The following CTNNA2 variants were observed in gnomAD, a reference collection of about 807,000 sequenced individuals.
CTNNA2 encodes the protein catenin alpha 2.
CTNNA2 carries 42 observed loss-of-function variants against 101.0 expected under a neutral mutation model. That is an observed-to-expected ratio of 0.42 (90% confidence interval 0.32 to 0.54). CTNNA2 has a LOEUF of 0.54. Among genes scored for constraint, CTNNA2 ranks in the 20% least tolerant of loss-of-function variants. The pLI, the probability that CTNNA2 is intolerant of heterozygous loss-of-function variation, is 0.14. For synonymous variants in CTNNA2, 450 were observed against 456.4 expected, an observed-to-expected ratio of 0.99 and a Z score of 0.18; for missense variants, 871 against 1,223.1, an observed-to-expected ratio of 0.71 and a Z score of 4.29.
intron 7 of CTNNA2, among the ~76,000 whole-genome samples, chr2:80,010,494 G>T (rs775771236): frequency 2.3e-4 from 35 of 151,958 alleles, no homozygotes; most frequent in Non-Finnish European, 4.1e-4. Flanking sequence ...TGTAGGAAAG[G>T]GGTCTTCCTC....
chr2:80,015,616 C>T (rs1209810131), intron 7 of CTNNA2, among the ~76,000 whole-genome samples: 1 of 152,114 alleles, frequency 6.6e-6, no homozygotes, highest in Non-Finnish European at 1.5e-5. Context: ...TGCTTACTAG[C>T]TCTCCCCCTC....
intron 2 of CTNNA2, among the ~76,000 whole-genome samples, chr2:79,221,119 A>G (rs1044518693): frequency 2.8e-5 from 4 of 141,902 alleles, no homozygotes; most frequent in African/African-American, 7.7e-5. Context: ...CAGCAATAAT[A>G]ATAAGCTAAA....
intron 7 of CTNNA2, among the ~76,000 whole-genome samples, chr2:79,953,382 G>T (rs2974133): frequency 0.31 from 47,045 of 152,086 alleles, 7,457 homozygotes; most frequent in Middle Eastern, 0.47. Context: ...ATGTGATATG[G>T]TATGTACGCC....
chr2:80,520,586 T>C (rs56010015), intron 9 of CTNNA2, among the ~76,000 whole-genome samples: 11,083 of 152,198 alleles, frequency 0.073, 656 homozygotes, highest in African/African-American at 0.16. Flanking sequence ...AACTCCTTAC[T>C]GTATCCTCAC....
intron 2 of CTNNA2, among the ~76,000 whole-genome samples, chr2:79,274,305 T>G (rs1334946193): frequency 6.6e-6 from 1 of 152,044 alleles, no homozygotes; most frequent in African/African-American, 2.4e-5. Context: ...AACTAAAGAC[T>G]GAATTGTCTG....
intron 1 of CTNNA2, among the ~76,000 whole-genome samples, chr2:79,626,432 C>T (rs1002695871): frequency 1.3e-5 from 2 of 152,086 alleles, no homozygotes; most frequent in African/African-American, 4.8e-5. Context: ...GTACCATTAG[C>T]CTGAAATTTC....
At chr2:79,887,513 C>A (rs1204594500) in intron 6 of CTNNA2, among the ~76,000 whole-genome samples, 1 of 151,808 alleles carries the variant, frequency 6.6e-6, no homozygotes, top group African/African-American at 2.4e-5. Flanking sequence ...ATTTCCGTTC[C>A]CATCAGTATG....
At chr2:79,541,612 A>G (rs921317830) in intron 1 of CTNNA2, among the ~76,000 whole-genome samples, 4 of 150,090 alleles carry the variant, frequency 2.7e-5, no homozygotes, top group African/African-American at 4.9e-5. Flanking sequence ...TACGATTTGC[A>G]TTTCCCCAAT....
chr2:80,304,799 G>C (rs1426902025), intron 7 of CTNNA2: 1 of 152,276 alleles, frequency 6.6e-6, no homozygotes, highest in Non-Finnish European at 1.5e-5. Flanking sequence ...CTCAGACATG[G>C]GCAGATTGAA....
At chr2:80,598,823 C>T (rs1301949155) in intron 15 of CTNNA2, among the ~76,000 whole-genome samples, 1 of 152,106 alleles carries the variant, frequency 6.6e-6, no homozygotes, top group Non-Finnish European at 1.5e-5. Flanking sequence ...CCTGACATAA[C>T]AAACTTGTAG....
At chr2:80,615,224 A>G (rs1479128679) in intron 17 of CTNNA2, among the ~76,000 whole-genome samples, 1 of 151,602 alleles carries the variant, frequency 6.6e-6, no homozygotes, top group African/African-American at 2.4e-5. Flanking sequence ...TTTTTTATTC[A>G]GTACTGGATT....
chr2:79,988,238 A>C (rs148853724), intron 7 of CTNNA2, among the ~76,000 whole-genome samples: 2 of 152,300 alleles, frequency 1.3e-5, no homozygotes, highest in Non-Finnish European at 2.9e-5. Context: ...TTAAGATAGG[A>C]TTACTCTTGG....
intron 6 of CTNNA2, among the ~76,000 whole-genome samples, chr2:79,896,308 G>A (rs776118059): frequency 2.6e-5 from 4 of 151,282 alleles, no homozygotes; most frequent in Non-Finnish European, 4.4e-5. Flanking sequence ...GAGAACTAAC[G>A]TTTGTCATAT....
chr2:79,391,569 C>T (rs190166935), intron 4 of CTNNA2, among the ~76,000 whole-genome samples: 86 of 152,214 alleles, frequency 5.6e-4, no homozygotes, highest in African/African-American at 5.3e-4. Flanking sequence ...GGGGATGGCA[C>T]CCCTAACCCC....
intron 7 of CTNNA2, among the ~76,000 whole-genome samples, chr2:80,095,947 A>C (rs1435177635): frequency 1.3e-5 from 2 of 152,192 alleles, no homozygotes; most frequent in Non-Finnish European, 2.9e-5. Context: ...ATCTTTTCAA[A>C]AAACCAGCTC....
At chr2:80,090,946 A>G (rs1666140206) in intron 7 of CTNNA2, among the ~76,000 whole-genome samples, 1 of 152,118 alleles carries the variant, frequency 6.6e-6, no homozygotes, top group Non-Finnish European at 1.5e-5. Flanking sequence ...GAGAAGAATT[A>G]TCAGCAGAGA....
At chr2:79,866,017 C>A (rs1379295963) in intron 4 of CTNNA2, among the ~76,000 whole-genome samples, 1 of 152,228 alleles carries the variant, frequency 6.6e-6, no homozygotes, top group Non-Finnish European at 1.5e-5. Context: ...CCGCGGCCAG[C>A]CTGCTTTTTT....
At chr2:80,244,833 A>G (rs149120140) in intron 7 of CTNNA2, among the ~76,000 whole-genome samples, 1 of 152,312 alleles carries the variant, frequency 6.6e-6, no homozygotes, top group Non-Finnish European at 1.5e-5. Context: ...AGAGAGAAAT[A>G]TTGTGAGTTT....
At chr2:79,968,684 C>T (rs1350110510) in intron 7 of CTNNA2, among the ~76,000 whole-genome samples, 10 of 152,096 alleles carry the variant, frequency 6.6e-5, no homozygotes, top group Admixed American at 3.3e-4. Context: ...AAACAATCCC[C>T]CCACACAAAA....
Sources: allele counts gnomAD v4.1 joint callset (sites outside exome capture counted in the v4.1 genomes callset), GRCh38; gene constraint gnomAD v4.1.1; transcripts MANE v1.5; gene names NCBI Gene and HGNC (gene_info 2026-07-23, HGNC 2026-07-21).